Variants in PITPNB observed in about 807,000 individuals in gnomAD.
PITPNB encodes phosphatidylinositol transfer protein beta.
A neutral mutation model predicts 45.9 loss-of-function variants in PITPNB; 16 were observed. That is an observed-to-expected ratio of 0.35 (90% confidence interval 0.24 to 0.53). PITPNB has a LOEUF of 0.53. Among genes scored for constraint, PITPNB ranks in the 20% least tolerant of loss-of-function variants. The pLI, the probability that PITPNB is intolerant of heterozygous loss-of-function variation, is 0.93. For synonymous variants in PITPNB, 112 were observed against 108.9 expected (o/e 1.03, Z -0.18); for missense variants, 188 against 330.5 (o/e 0.57, Z 3.34).
intron 3 of PITPNB, among the ~76,000 whole-genome samples, chr22:27,907,153 C>G (rs1935787116): frequency 1.3e-5 from 2 of 152,206 alleles, no homozygotes; most frequent in Non-Finnish European, 2.9e-5. Flanking sequence ...AAACATATTA[C>G]TAGACACAAA....
chr22:27,885,955 C>T (rs371099320), intron 7 of PITPNB, among the ~76,000 whole-genome samples: 14 of 152,154 alleles, frequency 9.2e-5, no homozygotes, highest in African/African-American at 2.4e-4. Flanking sequence ...CAATCCTGAC[C>T]GCCAAGAGGC....
At chr22:27,883,806 T>C (rs756163642) in intron 7 of PITPNB, among the ~76,000 whole-genome samples, 1 of 152,158 alleles carries the variant, frequency 6.6e-6, no homozygotes. Context: ...CTGGAAGTCA[T>C]GCATGTACAG....
chr22:27,919,054 G>C, intron 1 of PITPNB, 118 bp downstream of exon 1: 2 of 1,515,780 alleles, frequency 1.3e-6, no homozygotes, highest in Non-Finnish European at 1.8e-6. Flanking sequence ...GGGGGCGCCC[G>C]CAGGGAGGGG....
intron 3 of PITPNB, among the ~76,000 whole-genome samples, chr22:27,907,250 G>A (rs1291749212): frequency 1.3e-5 from 2 of 152,226 alleles, no homozygotes; most frequent in African/African-American, 4.8e-5. Context: ...AAAGAAAACT[G>A]TGAGTCTCAT....
At chr22:27,893,837 C>T (rs1307117349) in intron 7 of PITPNB, among the ~76,000 whole-genome samples, 2 of 152,076 alleles carry the variant, frequency 1.3e-5, no homozygotes, top group Non-Finnish European at 2.9e-5. Context: ...GCAATCCTCC[C>T]TCCTTGGCCT....
intron 8 of PITPNB, among the ~76,000 whole-genome samples, chr22:27,872,268 A>G (rs1189638613): frequency 1.3e-5 from 2 of 151,436 alleles, no homozygotes; most frequent in East Asian, 1.9e-4. Flanking sequence ...TAATTTTTGG[A>G]TTTTTAGTAG....
At chr22:27,901,894 T>C (rs1250583097) in intron 3 of PITPNB, among the ~76,000 whole-genome samples, 4 of 151,670 alleles carry the variant, frequency 2.6e-5, no homozygotes, top group Non-Finnish European at 5.9e-5. Context: ...AAAATAATAA[T>C]AATAAATATA....
chr22:27,886,036 G>A (rs1935114442), intron 7 of PITPNB, among the ~76,000 whole-genome samples: 2 of 152,214 alleles, frequency 1.3e-5, no homozygotes, highest in Non-Finnish European at 2.9e-5. Context: ...AGGATGGAGA[G>A]GGCGTGAGGT....
At chr22:27,902,151 G>A (rs1392923008) in intron 3 of PITPNB, among the ~76,000 whole-genome samples, 1 of 152,086 alleles carries the variant, frequency 6.6e-6, no homozygotes, top group African/African-American at 2.4e-5. Flanking sequence ...TCAGTAAGTG[G>A]AGCAAGGGTA....
intron 3 of PITPNB, among the ~76,000 whole-genome samples, chr22:27,901,170 T>C (rs1024716166): frequency 1.3e-5 from 2 of 152,208 alleles, no homozygotes; most frequent in Non-Finnish European, 2.9e-5. Context: ...CATAGCACAA[T>C]GCCCAGGACC....
At chr22:27,890,792 C>T (rs1372073154) in intron 7 of PITPNB, among the ~76,000 whole-genome samples, 5 of 152,048 alleles carry the variant, frequency 3.3e-5, no homozygotes, top group Non-Finnish European at 7.4e-5. Context: ...CCAGCCTGGG[C>T]GACAGAGCGA....
At chr22:27,864,408 T>G (rs1008962869) in intron 8 of PITPNB, among the ~76,000 whole-genome samples, 1 of 152,178 alleles carries the variant, frequency 6.6e-6, no homozygotes, top group African/African-American at 2.4e-5. Context: ...AATCTGACAC[T>G]AGGTAATAAA....
chr22:27,860,194 C>T lies in PITPNB; in HGVS notation c.582G>A (p.Lys194=). The T allele has an allele frequency of 6.2e-7, 1 of 1,613,890 alleles. No individual in the cohort carries two copies. Among genetic ancestry groups the T allele is most frequent in the Non-Finnish European group, 8.5e-7 (1 of 1,179,836 alleles). Residue 194 remains lysine (K), a synonymous_variant, in exon 9 of 12, where the codon AAG becomes AAA. Transcript: ENST00000335272. The part of the protein sequence containing the change: ...SPDCPQMCAY[K]LVTIKFKWWG... ...ACCACTTGAATTTGATGGTCACCAG[C>T]TTATAGGCACACATCTGGGGACAGT...
At chr22:27,903,777 C>CAAAAA (rs58453570) in intron 3 of PITPNB, among the ~76,000 whole-genome samples, 3 of 84,258 alleles carry the variant, frequency 3.6e-5, no homozygotes, top group Admixed American at 1.3e-4. Context: ...CCCTGTCTCC[C>CAAAAA]AAAAAAAAAA....
chr22:27,914,580 C>T (rs572171558), intron 1 of PITPNB, among the ~76,000 whole-genome samples: 5 of 152,196 alleles, frequency 3.3e-5, no homozygotes, highest in African/African-American at 9.6e-5. Flanking sequence ...GTTCCCAGGA[C>T]CCCAAACAGC....
intron 7 of PITPNB, among the ~76,000 whole-genome samples, chr22:27,885,890 C>CG (rs1935110272): frequency 6.6e-6 from 1 of 152,142 alleles, no homozygotes; most frequent in African/African-American, 2.4e-5. Flanking sequence ...GCTTATGCCA[C>CG]GCCATGCATC....
At chr22:27,878,132 T>C (rs1468419959) in intron 7 of PITPNB, among the ~76,000 whole-genome samples, 4 of 152,232 alleles carry the variant, frequency 2.6e-5, no homozygotes, top group Non-Finnish European at 5.9e-5. Flanking sequence ...GTATTGCAGT[T>C]CAACTTAGCA....
rs181619219 is a variant in PITPNB at position 27,862,367 on chromosome 22, T to C, written c.535-2126A>G. The stretch of plus-strand genomic sequence containing the variant: ...TATACTATATGAAAAATTATTATCT[T>C]GGTATTATTAATGCGACTGAATGTT... On this transcript the variant is annotated intron_variant, in intron 8 of 11. Transcript: ENST00000335272. Among the ~76,000 whole-genome samples the C allele has an allele frequency of 4.6e-5, 7 of 152,336 alleles. No individual in the cohort carries two copies. In the East Asian group the frequency reaches 1.2e-3, roughly 25 times the overall value.
Position 27,853,542 on chromosome 22 carries a change from CATGTGTGTGTAT to C in PITPNB, c.*148_*159del. On this transcript the variant is annotated 3_prime_UTR_variant, in exon 12 of 12. Transcript: ENST00000335272. ...ATACACACGTGGTTGAGAACCTGTGCATGTGTGTGTATCATCACAAGCACACATCTGGGAAAC... is the reference window on the plus strand; with the variant it reads ...ATACACACGTGGTTGAGAACCTGTGCCATCACAAGCACACATCTGGGAAAC... 8.5e-7 allele frequency: 1 copy of C among 1,175,810 alleles called. No individual in the cohort carries two copies. Among genetic ancestry groups the C allele is most frequent in the Non-Finnish European group, 1.2e-6 (1 of 804,942 alleles). 72.8% of individuals were successfully genotyped at this position (1,175,810 alleles called of 1,614,324 possible).
Sources: gnomAD v4.1 joint callset for allele counts (sites outside exome capture counted in the v4.1 genomes callset) on GRCh38, gnomAD v4.1.1 for gene constraint, MANE v1.5 for transcripts, NCBI Gene and HGNC (gene_info 2026-07-23, HGNC 2026-07-21) for gene names.